Variants in ASCC3 observed in about 807,000 individuals in gnomAD.
ASCC3 encodes the protein ASC-1 complex subunit P200.
In ASCC3, 158 loss-of-function variants were observed where a neutral mutation model predicts 256.3. The ratio of observed to expected loss-of-function variants is 0.62; its 90% confidence interval spans 0.54 to 0.70. The LOEUF (loss-of-function observed/expected upper bound fraction) is 0.70. Among genes scored for constraint, ASCC3 ranks in the 30% least tolerant of loss-of-function variants. The pLI, the probability that ASCC3 is intolerant of heterozygous loss-of-function variation, is 0.00. For missense variants in ASCC3, 2,259 were observed against 2,626.0 expected (o/e 0.86, Z 3.05); for synonymous variants, 948 against 883.4 (o/e 1.07, Z -1.30).
At chr6:100,530,885 CACAA>C (rs1414296899) in intron 37 of ASCC3, 1 of 1,275,608 alleles carries the variant, frequency 7.8e-7, no homozygotes, top group African/African-American at 1.5e-5. Context: ...TGTGGAACAT[CACAA>C]ACAATCAATA....
At chr6:100,817,857 A>T (rs1770829299) in intron 4 of ASCC3, among the ~76,000 whole-genome samples, 1 of 152,158 alleles carries the variant, frequency 6.6e-6, no homozygotes, top group Non-Finnish European at 1.5e-5. Flanking sequence ...GTTAATACTA[A>T]TTCCTCACAC....
chr6:100,724,986 TG>T (rs767890398), intron 11 of ASCC3, among the ~76,000 whole-genome samples: 17 of 152,012 alleles, frequency 1.1e-4, no homozygotes, highest in Admixed American at 3.9e-4. Flanking sequence ...GCAGTCTGGC[TG>T]GAAGTACAGA....
At chr6:100,700,485 C>T (rs1398675164) in intron 13 of ASCC3, among the ~76,000 whole-genome samples, 1 of 152,126 alleles carries the variant, frequency 6.6e-6, no homozygotes, top group Non-Finnish European at 1.5e-5. Context: ...AGAGGGCCAC[C>T]ATCCTCCAGA....
At chr6:100,785,503 G>A (rs1311657296) in intron 8 of ASCC3, among the ~76,000 whole-genome samples, 1 of 152,074 alleles carries the variant, frequency 6.6e-6, no homozygotes, top group Non-Finnish European at 1.5e-5. Context: ...CTGGACTCAA[G>A]TGAACCTCCC....
chr6:100,634,543 C>T (rs1774730544), intron 25 of ASCC3, among the ~76,000 whole-genome samples: 1 of 151,934 alleles, frequency 6.6e-6, no homozygotes, highest in African/African-American at 2.4e-5. Context: ...AACTCAATAG[C>T]AGATAAACCC....
chr6:100,547,004 A>G (rs561898270), intron 36 of ASCC3, among the ~76,000 whole-genome samples: 2 of 152,198 alleles, frequency 1.3e-5, no homozygotes, highest in East Asian at 1.9e-4. Context: ...TGAGCACTAC[A>G]TGACTTATAA....
intron 10 of ASCC3, among the ~76,000 whole-genome samples, chr6:100,752,301 A>G (rs796419869): frequency 5.9e-5 from 9 of 152,238 alleles, no homozygotes; most frequent in African/African-American, 2.2e-4. Flanking sequence ...ATCATTTATG[A>G]AACAGGAGGG....
rs748935680 is a variant in ASCC3, at chr6:100,601,955, T to A, written c.5178-20A>T. The A allele has an allele frequency of 6.2e-7, 1 of 1,610,236 alleles. No individual in the cohort carries two copies. Among genetic ancestry groups the A allele is most frequent in the Non-Finnish European group, 8.5e-7 (1 of 1,177,732 alleles). Reference sequence around the variant, plus strand: ...AATAAACTATATAGTGAACAAGACATGGGAAGCATACAAGAGCATTAAACT... The same window carrying A: ...AATAAACTATATAGTGAACAAGACAAGGGAAGCATACAAGAGCATTAAACT... On this transcript the variant is annotated intron_variant, in intron 33 of 41. Transcript: ENST00000369162.
chr6:100,852,410 C>G (rs1257637021), intron 3 of ASCC3, among the ~76,000 whole-genome samples: 1 of 152,148 alleles, frequency 6.6e-6, no homozygotes, highest in Non-Finnish European at 1.5e-5. Flanking sequence ...TAGTCATGTT[C>G]TTGTTTTCTG....
At chr6:100,674,886 C>G (rs1227470947) in intron 14 of ASCC3, among the ~76,000 whole-genome samples, 2 of 152,010 alleles carry the variant, frequency 1.3e-5, no homozygotes, top group African/African-American at 4.8e-5. Context: ...CCTGCCTCGG[C>G]CTCCCAAAGT....
chr6:100,621,894 A>G (rs1433222135), intron 30 of ASCC3, among the ~76,000 whole-genome samples: 2 of 152,202 alleles, frequency 1.3e-5, no homozygotes, highest in African/African-American at 4.8e-5. Context: ...TATACCATGG[A>G]ATACTATGCA....
At chr6:100,731,274 T>C (rs1433649290) in intron 10 of ASCC3, among the ~76,000 whole-genome samples, 1 of 152,210 alleles carries the variant, frequency 6.6e-6, no homozygotes, top group Non-Finnish European at 1.5e-5. Flanking sequence ...ACAATTCTTT[T>C]TGCAGTTCAT....
chr6:100,723,896 A>T (rs1393618751), intron 11 of ASCC3, among the ~76,000 whole-genome samples: 303 of 123,142 alleles, frequency 2.5e-3, no homozygotes, highest in Non-Finnish European at 3.9e-3. Context: ...ATATATATAT[A>T]TTTATAATTA....
At chr6:100,832,497 A>C (rs1434803346) in intron 4 of ASCC3, among the ~76,000 whole-genome samples, 1 of 152,146 alleles carries the variant, frequency 6.6e-6, no homozygotes, top group Admixed American at 6.5e-5. Flanking sequence ...GAAAATCATG[A>C]ATATAAGAAA....
At chr6:100,676,931 T>A (rs1777052430) in intron 14 of ASCC3, among the ~76,000 whole-genome samples, 2 of 152,204 alleles carry the variant, frequency 1.3e-5, no homozygotes, top group Admixed American at 1.3e-4. Context: ...AAGGCATCAC[T>A]GTGGCATGGT....
chr6:100,666,319 T>C (rs1255726856), intron 14 of ASCC3, among the ~76,000 whole-genome samples: 1 of 152,160 alleles, frequency 6.6e-6, no homozygotes, highest in African/African-American at 2.4e-5. Flanking sequence ...TAATATGATT[T>C]CATTCCTCCA....
intron 21 of ASCC3, 45 bp downstream of exon 21, chr6:100,647,181 A>C (rs768099798): frequency 1.1e-5 from 16 of 1,502,890 alleles, no homozygotes; most frequent in Non-Finnish European, 1.4e-5. Context: ...AACATATTTT[A>C]TTTGCACAAA....
At chr6:100,827,942 T>C (rs1771404001) in intron 4 of ASCC3, among the ~76,000 whole-genome samples, 1 of 152,118 alleles carries the variant, frequency 6.6e-6, no homozygotes, top group Non-Finnish European at 1.5e-5. Flanking sequence ...TCCATTATCA[T>C]GTAGACAAAG....
intron 30 of ASCC3, among the ~76,000 whole-genome samples, chr6:100,608,873 C>A (rs908472859): frequency 7.0e-6 from 1 of 142,804 alleles, no homozygotes; most frequent in African/African-American, 2.6e-5. Flanking sequence ...ACGCCATTCT[C>A]CTGCCTCAGC....
Sources: gnomAD v4.1 joint callset for allele counts (sites outside exome capture counted in the v4.1 genomes callset) on GRCh38, gnomAD v4.1.1 for gene constraint, MANE v1.5 for transcripts, NCBI Gene and HGNC (gene_info 2026-07-23, HGNC 2026-07-21) for gene names.